CACNA1C: variants seen among roughly 807,000 people sequenced by gnomAD.
CACNA1C encodes voltage-dependent L-type calcium channel subunit alpha-1C.
In CACNA1C, 30 loss-of-function variants were observed where a neutral mutation model predicts 229.0. That is an observed-to-expected ratio of 0.13 (90% CI 0.10 to 0.18). CACNA1C has a LOEUF of 0.18. Ranked by LOEUF, CACNA1C falls within the 10% of genes least tolerant of loss-of-function variation. CACNA1C has a pLI of 1.00. For synonymous variants in CACNA1C, 1,114 were observed against 1,132.5 expected, an observed-to-expected ratio of 0.98 and a Z score of 0.33; for missense variants, 1,658 against 2,845.0, an observed-to-expected ratio of 0.58 and a Z score of 9.49.
chr12:2,457,093 C>G (rs1199581868), intron 4 of CACNA1C, among the ~76,000 whole-genome samples: 23 of 152,200 alleles, frequency 1.5e-4, no homozygotes. Flanking sequence ...CCACCAAGGC[C>G]AGCACAAAGG....
At chr12:2,322,598 C>G (rs1156283300) in intron 3 of CACNA1C, among the ~76,000 whole-genome samples, 1 of 152,166 alleles carries the variant, frequency 6.6e-6, no homozygotes, top group Admixed American at 6.5e-5. Context: ...AGTGGACTGT[C>G]CAGGCTAGAA....
chr12:2,443,349 G>A (rs1355636908), intron 3 of CACNA1C, among the ~76,000 whole-genome samples: 6 of 152,198 alleles, frequency 3.9e-5, no homozygotes, highest in East Asian at 1.9e-4. Flanking sequence ...CTATGATTCC[G>A]TGTCCCACAT....
At chr12:2,052,745 C>G (rs2052595239), upstream of CACNA1C, among the ~76,000 whole-genome samples, 2 of 145,848 alleles carry the variant, frequency 1.4e-5, no homozygotes, top group East Asian at 2.0e-4. Context: ...GGGCGGAGGG[C>G]TCGCTCGGGC....
chr12:2,572,037 CTTTTTTT>C (rs5796014), intron 13 of CACNA1C, among the ~76,000 whole-genome samples: 2 of 128,484 alleles, frequency 1.6e-5, no homozygotes, highest in Non-Finnish European at 1.6e-5. Context: ...AATTTCTTCT[CTTTTTTT>C]TTTTTTTTTT....
chr12:1,994,811 T>C (rs2040405057), intron 1 of CACNA1C, among the ~76,000 whole-genome samples: 1 of 152,096 alleles, frequency 6.6e-6, no homozygotes, highest in Admixed American at 6.6e-5. Context: ...ATTTAGAAAA[T>C]AGGCCCAGGG....
At chr12:1,989,755 C>T (rs908312749) in intron 1 of CACNA1C, among the ~76,000 whole-genome samples, 1 of 152,158 alleles carries the variant, frequency 6.6e-6, no homozygotes, top group Non-Finnish European at 1.5e-5. Flanking sequence ...CATGTCATTG[C>T]TGTCTATAAC....
At chr12:2,313,458 A>C (rs2095537483) in intron 3 of CACNA1C, among the ~76,000 whole-genome samples, 1 of 152,232 alleles carries the variant, frequency 6.6e-6, no homozygotes, top group African/African-American at 2.4e-5. Flanking sequence ...AATCAGCAGG[A>C]AACTGGCTTG....
intron 13 of CACNA1C, among the ~76,000 whole-genome samples, chr12:2,572,370 CCTCTTCCTCCTCTTCCTCCTCCTTCTT>C (rs1568495670): frequency 2.8e-3 from 5 of 1,770 alleles, no homozygotes; most frequent in Non-Finnish European, 5.5e-3. Flanking sequence ...TCCTCCTTCT[CCTCTTCCTCCTCTTCCTCCTCCTTCTT>C]CTCTTCCTCC....
intron 1 of CACNA1C, among the ~76,000 whole-genome samples, chr12:1,988,550 T>C (rs4141130): frequency 0.31 from 47,172 of 152,100 alleles, 7,554 homozygotes; most frequent in East Asian, 0.54. Context: ...AATAAAGCTA[T>C]TACAGCACGC....
chr12:2,578,082 A>C (rs1037119295), intron 13 of CACNA1C, among the ~76,000 whole-genome samples: 1 of 151,748 alleles, frequency 6.6e-6, no homozygotes, highest in South Asian at 2.1e-4. Flanking sequence ...GTTAGCCAGG[A>C]TGGTCTCGAT....
chr12:2,389,641 T>C (rs1346244569), intron 3 of CACNA1C, among the ~76,000 whole-genome samples: 1 of 152,216 alleles, frequency 6.6e-6, no homozygotes, highest in African/African-American at 2.4e-5. Context: ...ATTTCATTGA[T>C]GACTGCTTTT....
rs1197751947 is a variant in CACNA1C, at chr12:2,247,503, A to T, written c.477+127073A>T. Among the ~76,000 whole-genome samples, 8 of 152,302 alleles carry T rather than the reference A, an allele frequency of 5.3e-5. No homozygotes were observed. In the East Asian group the frequency reaches 1.4e-3, roughly 26 times the overall value. ...ATGCCATTTTGTGATGGAGTGTCCC[A>T]GTTTAACACGGCAATGTGACTGCAG... is the stretch of plus-strand genomic sequence containing the variant. On this transcript the variant is annotated intron_variant, in intron 3 of 46. Coordinates refer to ENST00000399655, the MANE Select transcript of CACNA1C (RefSeq NM_000719.7).
chr12:2,487,527 A>G (rs1267421066), intron 6 of CACNA1C, among the ~76,000 whole-genome samples: 1 of 150,606 alleles, frequency 6.6e-6, no homozygotes, highest in Non-Finnish European at 1.5e-5. Flanking sequence ...ACAAAACAAA[A>G]CAAAAAACCA....
rs115751532 is a variant in CACNA1C at position 2,669,381 on chromosome 12, C to T, written c.4726+346C>T. On this transcript the variant is annotated intron_variant, in intron 38 of 46. Transcript: ENST00000399655. ...ATACTCAATGTTTTAAGAAAGTTTACGAATATGTGTTGGGCCACATTCAAA... is the reference window on the plus strand; with the variant it reads ...ATACTCAATGTTTTAAGAAAGTTTATGAATATGTGTTGGGCCACATTCAAA... 9.7e-3 allele frequency among the ~76,000 whole-genome samples: 1,483 copies of T among 152,150 alleles called. 26 individuals carry two copies. The highest frequency in any genetic ancestry group is 0.034 in the African/African-American group (1,405 of 41,490).
chr12:2,277,833 A>G (rs2089483369), intron 3 of CACNA1C, among the ~76,000 whole-genome samples: 1 of 152,210 alleles, frequency 6.6e-6, no homozygotes, highest in South Asian at 2.1e-4. Context: ...TTGCATGTTA[A>G]TACTTCATTA....
At chr12:2,153,474 T>C (rs543596941) in intron 3 of CACNA1C, among the ~76,000 whole-genome samples, 169 of 152,286 alleles carry the variant, frequency 1.1e-3, no homozygotes, top group African/African-American at 3.9e-3. Context: ...TCAGTTCCCA[T>C]TCCCCCTTCC....
intron 3 of CACNA1C, among the ~76,000 whole-genome samples, chr12:2,255,098 C>A (rs2076906160): frequency 6.6e-6 from 1 of 152,074 alleles, no homozygotes; most frequent in South Asian, 2.1e-4. Context: ...AGCTTGGGTA[C>A]CCTCCCTGGC....
rs948054653 is a variant in CACNA1C, at chr12:2,215,050, A to C, written c.477+94620A>C. ...TGTGAAGTCGGGAGGAGCCGGAGGC[A>C]GTGAGGACCTGCATTGCAGCGGGTG... On this transcript the variant is annotated intron_variant, in intron 3 of 46. Coordinates refer to ENST00000399655, the MANE Select transcript of CACNA1C (RefSeq NM_000719.7). The surrounding 1 kb of genome is among the most constrained non-coding windows in gnomAD (Gnocchi z 5.0). Among the ~76,000 whole-genome samples, 3 of 152,082 alleles carry C rather than the reference A, an allele frequency of 2.0e-5. No individual in the cohort carries two copies. The highest frequency in any genetic ancestry group is 7.2e-5 in the African/African-American group (3 of 41,408).
chr12:2,567,315 C>G (rs1316054788), intron 12 of CACNA1C, among the ~76,000 whole-genome samples: 2 of 152,170 alleles, frequency 1.3e-5, no homozygotes, highest in African/African-American at 4.8e-5. Context: ...CACAGGCCTG[C>G]TATGAGGAGG....
Sources: gnomAD v4.1 joint callset for allele counts (sites outside exome capture counted in the v4.1 genomes callset) on GRCh38, gnomAD v4.1.1 for gene constraint, Gnocchi (gnomAD v3.1) non-coding constraint, MANE v1.5 for transcripts, NCBI Gene and HGNC (gene_info 2026-07-23, HGNC 2026-07-21) for gene names.